Variants in ZNRF2 observed in about 807,000 individuals in gnomAD.
The protein encoded by ZNRF2 is zinc and ring finger 2.
A neutral mutation model predicts 20.4 loss-of-function variants in ZNRF2; 16 were observed. The ratio of observed to expected loss-of-function variants is 0.79; its 90% CI spans 0.53 to 1.19. The LOEUF (loss-of-function observed/expected upper bound fraction) is 1.19. Ranked by LOEUF, ZNRF2 falls within the 50% of genes most tolerant of loss-of-function variation. The pLI, the probability that ZNRF2 is intolerant of heterozygous loss-of-function variation, is 0.00. For synonymous variants in ZNRF2, 178 were observed against 144.9 expected, an observed-to-expected ratio of 1.23 and a Z score of -1.64; for missense variants, 363 against 332.4, an observed-to-expected ratio of 1.09 and a Z score of -0.72.
chr7:30,291,563 G>T (rs1798910968), intron 1 of ZNRF2, among the ~76,000 whole-genome samples: 2 of 152,328 alleles, frequency 1.3e-5, no homozygotes, highest in Middle Eastern at 3.4e-3. Context: ...TTCTAAGCTA[G>T]AACTGATAGA....
chr7:30,297,197 G>A (rs922358446), intron 1 of ZNRF2, among the ~76,000 whole-genome samples: 3 of 152,150 alleles, frequency 2.0e-5, no homozygotes, highest in African/African-American at 4.8e-5. Flanking sequence ...TTATTCATAT[G>A]ATGAGTATTG....
chr7:30,360,835 A>G (rs938453136), intron 3 of ZNRF2, among the ~76,000 whole-genome samples: 7 of 152,376 alleles, frequency 4.6e-5, no homozygotes, highest in South Asian at 4.1e-4. Flanking sequence ...TGGAAGCAGT[A>G]CTATATGTTG....
chr7:30,324,894 G>A (rs1474612413), intron 2 of ZNRF2, among the ~76,000 whole-genome samples: 1 of 152,190 alleles, frequency 6.6e-6, no homozygotes, highest in Non-Finnish European at 1.5e-5. Context: ...GTAAATAGAT[G>A]CCTAATGGGA....
intron 1 of ZNRF2, among the ~76,000 whole-genome samples, chr7:30,307,040 G>A (rs1220851526): frequency 6.6e-6 from 1 of 151,958 alleles, no homozygotes; most frequent in Non-Finnish European, 1.5e-5. Flanking sequence ...GGAACCAGTA[G>A]TTTAATGGTA....
chr7:30,353,687 C>G (rs1175491456), intron 2 of ZNRF2, among the ~76,000 whole-genome samples: 1 of 151,908 alleles, frequency 6.6e-6, no homozygotes, highest in African/African-American at 2.4e-5. Context: ...CTTTGAAGAG[C>G]TCTGAAAATG....
chr7:30,329,827 C>A (rs1799609715), intron 2 of ZNRF2, among the ~76,000 whole-genome samples: 2 of 152,080 alleles, frequency 1.3e-5, no homozygotes, highest in East Asian at 3.9e-4. Flanking sequence ...TATCCAGTAA[C>A]AGGATTGCTG....
At chr7:30,339,644 C>A (rs1799765809) in intron 2 of ZNRF2, among the ~76,000 whole-genome samples, 1 of 152,172 alleles carries the variant, frequency 6.6e-6, no homozygotes, top group Non-Finnish European at 1.5e-5. Flanking sequence ...GGTACCAGTA[C>A]TATGCTGCTT....
intron 3 of ZNRF2, among the ~76,000 whole-genome samples, chr7:30,357,974 C>CT (rs1486409032): frequency 6.6e-6 from 1 of 152,092 alleles, no homozygotes; most frequent in Non-Finnish European, 1.5e-5. Flanking sequence ...CAATAAGTAT[C>CT]TAACAATATA....
At chr7:30,318,538 A>G (rs11980603) in intron 1 of ZNRF2, among the ~76,000 whole-genome samples, 6,542 of 152,262 alleles carry the variant, frequency 0.043, 463 homozygotes, top group African/African-American at 0.15. Context: ...AAAAAACCCA[A>G]AAATCTCACC....
chr7:30,358,431 C>T (rs527327173), intron 3 of ZNRF2, among the ~76,000 whole-genome samples: 48 of 152,274 alleles, frequency 3.2e-4, no homozygotes, highest in African/African-American at 1.1e-3. Flanking sequence ...TTAATCTGGA[C>T]ATCTACCATA....
At chr7:30,333,339 C>T (rs895898753) in intron 2 of ZNRF2, among the ~76,000 whole-genome samples, 8 of 150,164 alleles carry the variant, frequency 5.3e-5, no homozygotes, top group Non-Finnish European at 1.2e-4. Context: ...CAGGCATGAG[C>T]CACTGCGCCT....
intron 2 of ZNRF2, among the ~76,000 whole-genome samples, chr7:30,353,645 G>A (rs117361822): frequency 2.0e-4 from 31 of 152,220 alleles, no homozygotes; most frequent in Admixed American, 5.9e-4. Context: ...AGGATAAAAT[G>A]TAGACCTTTT....
intron 1 of ZNRF2, among the ~76,000 whole-genome samples, chr7:30,301,440 G>A (rs1174810273): frequency 4.6e-5 from 7 of 152,044 alleles, no homozygotes; most frequent in African/African-American, 1.7e-4. Context: ...CCAAGATCAC[G>A]CCACTGCACT....
At chr7:30,355,295 C>T (rs972637747) in intron 2 of ZNRF2, among the ~76,000 whole-genome samples, 1 of 151,968 alleles carries the variant, frequency 6.6e-6, no homozygotes, top group Non-Finnish European at 1.5e-5. Flanking sequence ...TGAACTTACC[C>T]AATTTTATTA....
At chr7:30,296,293 A>G (rs948996600) in intron 1 of ZNRF2, among the ~76,000 whole-genome samples, 1 of 152,214 alleles carries the variant, frequency 6.6e-6, no homozygotes, top group African/African-American at 2.4e-5. Context: ...CTTAGAAGTA[A>G]AATTATACTG....
chr7:30,340,303 A>G (rs1391812564), intron 2 of ZNRF2, among the ~76,000 whole-genome samples: 2 of 152,198 alleles, frequency 1.3e-5, no homozygotes, highest in Admixed American at 6.5e-5. Flanking sequence ...GAGTGGTGAG[A>G]GAGAGCATCC....
chr7:30,304,354 AT>A (rs1187274484), intron 1 of ZNRF2, among the ~76,000 whole-genome samples: 1 of 152,226 alleles, frequency 6.6e-6, no homozygotes, highest in Non-Finnish European at 1.5e-5. Context: ...ATTTTGCCAG[AT>A]TGCTTTCTAG....
Position 30,295,097 on chromosome 7 carries a change from G to A in ZNRF2, c.469+9271G>A, listed in dbSNP as rs60498527. On this transcript the variant is annotated intron_variant, in intron 1 of 4. Coordinates refer to ENST00000323037, the MANE Select transcript of ZNRF2 (RefSeq NM_147128.4). The stretch of plus-strand genomic sequence containing the variant: ...TGTGTGTGTGTGTGTGTGTGTGTGT[G>A]TGTGATTGCAGGTGTCAGCCACTGC... 6.4e-4 allele frequency among the ~76,000 whole-genome samples: 93 copies of A among 145,412 alleles called. 6 individuals are homozygous for A. The highest frequency in any genetic ancestry group is 2.3e-3 in the African/African-American group (85 of 36,946).
At chr7:30,286,911 G>A (rs1254748637) in intron 1 of ZNRF2, among the ~76,000 whole-genome samples, 2 of 152,166 alleles carry the variant, frequency 1.3e-5, no homozygotes, top group East Asian at 3.8e-4. Context: ...AGGAACTTTG[G>A]AGACTTAGTA....
Sources: gnomAD v4.1 joint callset for allele counts (sites outside exome capture counted in the v4.1 genomes callset) on GRCh38, gnomAD v4.1.1 for gene constraint, MANE v1.5 for transcripts, NCBI Gene and HGNC (gene_info 2026-07-23, HGNC 2026-07-21) for gene names.